The following NALCN variants were observed in gnomAD, a reference collection of about 807,000 sequenced individuals.
NALCN encodes the protein sodium leak channel, non-selective.
NALCN carries 111 observed loss-of-function variants against 225.3 expected under a neutral mutation model. The observed-to-expected ratio is 0.49, with a 90% CI of 0.42 to 0.58. The LOEUF is 0.58. Among genes scored for constraint, NALCN ranks in the 20% least tolerant of loss-of-function variants. NALCN has a pLI of 0.00. For missense variants in NALCN, 1,378 were observed against 2,202.4 expected, an observed-to-expected ratio of 0.63 and a Z score of 7.49; for synonymous variants, 764 against 769.0, an observed-to-expected ratio of 0.99 and a Z score of 0.11.
chr13:101,053,970 A>G lies in NALCN; in HGVS notation c.*1325T>C, dbSNP rs187497283. The G allele has an allele frequency of 1.3e-5, 2 of 152,214 alleles. No individual in the cohort carries two copies. The highest frequency in any genetic ancestry group is 2.1e-4 in the South Asian group (1 of 4,806). 9.4% of individuals were successfully genotyped at this position (152,214 alleles called of 1,614,324 possible). On this transcript the variant is annotated 3_prime_UTR_variant, in exon 44 of 44. Coordinates refer to ENST00000251127, the MANE Select transcript of NALCN (RefSeq NM_052867.4). ...CACAGAAGGAATGTCCTATTTGCCT[A>G]TCTATCTGAGGAATGTTAAATAGAG... is the stretch of plus-strand genomic sequence containing the variant.
At chr13:101,400,544 A>AGTGTGTGT (rs376844190) in intron 1 of NALCN, among the ~76,000 whole-genome samples, 64 of 135,248 alleles carry the variant, frequency 4.7e-4, no homozygotes, top group African/African-American at 1.3e-3. Flanking sequence ...ACATGTTTGC[A>AGTGTGTGT]GTGTGTGTGT....
chr13:101,293,368 T>C (rs1293650672), intron 7 of NALCN, among the ~76,000 whole-genome samples: 4 of 152,220 alleles, frequency 2.6e-5, no homozygotes, highest in Admixed American at 2.0e-4. Context: ...TTTATGACTA[T>C]AAAATTGAAA....
intron 14 of NALCN, among the ~76,000 whole-genome samples, chr13:101,177,538 T>A (rs1398639870): frequency 1.3e-5 from 2 of 151,568 alleles, no homozygotes; most frequent in African/African-American, 4.8e-5. Context: ...AGTAATACAA[T>A]TTTTCCTCTT....
At chr13:101,072,031 TTTATCAA>T (rs960135239) in intron 37 of NALCN, among the ~76,000 whole-genome samples, 29 of 152,224 alleles carry the variant, frequency 1.9e-4, no homozygotes, top group African/African-American at 6.7e-4. Flanking sequence ...ACATATGACA[TTTATCAA>T]TTAAATTCTC....
In NALCN at chr13:101,191,907, C is replaced by T. The variant is rs768384659; in HGVS notation, c.1764+10G>A. On this transcript the variant is annotated intron_variant, in intron 14 of 43. Transcript: ENST00000251127. ...CCAAGATATAATTGAAAAAAAAATG[C>T]TGAACTCACCAGAGTGGCAAAAAGA... The T allele has an allele frequency of 7.5e-6, 12 of 1,596,972 alleles. No homozygotes were observed. In the African/African-American group the frequency reaches 1.6e-4, roughly 22 times the overall value.
intron 3 of NALCN, among the ~76,000 whole-genome samples, chr13:101,389,854 G>A (rs1337130429): frequency 6.6e-6 from 1 of 152,220 alleles, no homozygotes; most frequent in Non-Finnish European, 1.5e-5. Context: ...GGCCAAGGCA[G>A]GCGAATCACC....
chr13:101,401,961 TA>T (rs2047490516), intron 1 of NALCN, among the ~76,000 whole-genome samples: 1 of 152,240 alleles, frequency 6.6e-6, no homozygotes, highest in African/African-American at 2.4e-5. Flanking sequence ...TTGATTGTAA[TA>T]ATTTTCCTTT....
intron 6 of NALCN, among the ~76,000 whole-genome samples, chr13:101,373,821 G>C (rs1384118949): frequency 6.6e-6 from 1 of 152,018 alleles, no homozygotes; most frequent in Non-Finnish European, 1.5e-5. Context: ...AATTTGAGAA[G>C]GATCATAATT....
In NALCN at chr13:101,167,847, A is replaced by C. The variant is rs1033025922; in HGVS notation, c.1839+8453T>G. ...GGTTGAGACTCTGTCAAAAAAAAAC[A>C]AAAACAAAAACTGTTAAGTCGAATC... On this transcript the variant is annotated intron_variant, in intron 15 of 43. Transcript: ENST00000251127. 1.8e-4 allele frequency among the ~76,000 whole-genome samples: 15 copies of C among 84,304 alleles called. 1 individual carries two copies. Among genetic ancestry groups the C allele is most frequent in the African/African-American group, 5.1e-4 (14 of 27,402 alleles). The allele number at this position is 84,304 out of a possible 152,430, so 55.3% of individuals were successfully genotyped here. A position where few individuals can be genotyped will look rare whatever the true frequency, so the allele number is the denominator to read the frequency against.
chr13:101,139,674 T>C (rs1359880373), intron 17 of NALCN, among the ~76,000 whole-genome samples: 2 of 152,048 alleles, frequency 1.3e-5, no homozygotes, highest in East Asian at 3.9e-4. Context: ...CCAAAGGCAA[T>C]TGGGATTTTA....
chr13:101,066,978 T>C (rs1385024282), intron 39 of NALCN, among the ~76,000 whole-genome samples: 2 of 152,140 alleles, frequency 1.3e-5, no homozygotes, highest in African/African-American at 2.4e-5. Flanking sequence ...CTACTGTCTA[T>C]AGTTTTAACT....
At chr13:101,281,768 C>T (rs1477783541) in intron 10 of NALCN, among the ~76,000 whole-genome samples, 1 of 152,038 alleles carries the variant, frequency 6.6e-6, no homozygotes, top group Non-Finnish European at 1.5e-5. Context: ...AGAACTCATA[C>T]AACTCAATAA....
intron 14 of NALCN, 64 bp downstream of exon 14, chr13:101,191,853 A>G (rs576650032): frequency 6.5e-7 from 1 of 1,536,412 alleles, no homozygotes; most frequent in African/African-American, 1.4e-5. Flanking sequence ...TAGGCCAAAT[A>G]TCTGTTGATG....
chr13:101,391,420 C>T (rs1435760709), intron 3 of NALCN, among the ~76,000 whole-genome samples: 1 of 152,170 alleles, frequency 6.6e-6, no homozygotes. Flanking sequence ...CTGTGACTCA[C>T]GCCTGTAATC....
At chr13:101,231,327 C>T (rs186655177) in intron 12 of NALCN, among the ~76,000 whole-genome samples, 34 of 152,176 alleles carry the variant, frequency 2.2e-4, no homozygotes, top group African/African-American at 8.0e-4. Flanking sequence ...TTATTGATTA[C>T]TATGTGCCAA....
intron 11 of NALCN, among the ~76,000 whole-genome samples, chr13:101,252,097 C>T (rs1304325641): frequency 6.6e-6 from 1 of 152,170 alleles, no homozygotes; most frequent in African/African-American, 2.4e-5. Flanking sequence ...TTTAGGTATA[C>T]ACCTCACTCA....
At chr13:101,218,495 T>G (rs1345970960) in intron 13 of NALCN, among the ~76,000 whole-genome samples, 3 of 152,104 alleles carry the variant, frequency 2.0e-5, no homozygotes, top group African/African-American at 7.2e-5. Flanking sequence ...TCCAGTCCCA[T>G]GGCCATATCC....
intron 15 of NALCN, among the ~76,000 whole-genome samples, chr13:101,153,198 A>G (rs1397216227): frequency 4.6e-5 from 7 of 152,258 alleles, no homozygotes; most frequent in African/African-American, 1.7e-4. Context: ...ATAAAAAATG[A>G]GGATCTTTAG....
At chr13:101,181,053 C>T (rs1260520235) in intron 14 of NALCN, 4 of 517,372 alleles carry the variant, frequency 7.7e-6, no homozygotes, top group East Asian at 1.1e-4. Flanking sequence ...TTGGAGAGCC[C>T]ATCTGGGCAC....
Sources: allele counts gnomAD v4.1 joint callset (sites outside exome capture counted in the v4.1 genomes callset), GRCh38; gene constraint gnomAD v4.1.1; transcripts MANE v1.5; gene names NCBI Gene and HGNC (gene_info 2026-07-23, HGNC 2026-07-21).